Variants in GNPAT observed in about 807,000 individuals in gnomAD.
GNPAT encodes the protein glyceronephosphate O-acyltransferase.
GNPAT carries 30 observed loss-of-function variants against 78.4 expected under a neutral mutation model. The ratio of observed to expected loss-of-function variants is 0.38; its 90% CI spans 0.29 to 0.52. The LOEUF (loss-of-function observed/expected upper bound fraction) is 0.52. Ranked by LOEUF, GNPAT falls within the 20% of genes least tolerant of loss-of-function variation. The pLI, the probability that GNPAT is intolerant of heterozygous loss-of-function variation, is 0.84. For synonymous variants in GNPAT, 271 were observed against 281.1 expected (o/e 0.96, Z 0.36); for missense variants, 714 against 812.2 (o/e 0.88, Z 1.47).
At chr1:231,266,892 G>C (rs1685404903) in intron 8 of GNPAT, among the ~76,000 whole-genome samples, 1 of 152,206 alleles carries the variant, frequency 6.6e-6, no homozygotes, top group Admixed American at 6.5e-5. Context: ...ACACATTTGA[G>C]TTTTCTTAAT....
At chr1:231,274,922 A>G in intron 12 of GNPAT, 1 of 328,802 alleles carries the variant, frequency 3.0e-6, no homozygotes, top group Non-Finnish European at 5.7e-6. Context: ...TCTCTTCCCA[A>G]GTAGCATAAG....
At chr1:231,260,754 T>C in intron 3 of GNPAT, 71 bp downstream of exon 3, 3 of 1,062,730 alleles carry the variant, frequency 2.8e-6, no homozygotes, top group African/African-American at 1.6e-5. Flanking sequence ...AAAAAAACAG[T>C]CTCTTTTTCA....
chr1:231,250,534 T>C (rs1402621722), intron 1 of GNPAT, among the ~76,000 whole-genome samples: 4 of 152,196 alleles, frequency 2.6e-5, no homozygotes, highest in African/African-American at 9.7e-5. Flanking sequence ...TGCACCCATA[T>C]AGTTTTGTTT....
intron 1 of GNPAT, among the ~76,000 whole-genome samples, chr1:231,247,620 T>G (rs1684784839): frequency 6.6e-6 from 1 of 152,190 alleles, no homozygotes; most frequent in Non-Finnish European, 1.5e-5. Context: ...TCTCAATAAC[T>G]GGTACCACCA....
At chr1:231,268,905 C>CAAA (rs34988391) in intron 9 of GNPAT, among the ~76,000 whole-genome samples, 1 of 135,830 alleles carries the variant, frequency 7.4e-6, no homozygotes, top group Non-Finnish European at 1.6e-5. Context: ...GATTCCGTCT[C>CAAA]AAAAAAAAAA....
rs1347169259 is a variant in GNPAT, at chr1:231,277,469, T to G, written c.2000-30T>G. ...GAGGAAGGGCAAAATCAGCATCATTTCATGAGCTGCTTCTCTTTTTTCATC... is the reference window on the plus strand; with the variant it reads ...GAGGAAGGGCAAAATCAGCATCATTGCATGAGCTGCTTCTCTTTTTTCATC... On this transcript the variant is annotated intron_variant, in intron 15 of 15. Coordinates refer to ENST00000366647, the MANE Select transcript of GNPAT (RefSeq NM_014236.4). The G allele has an allele frequency of 4.0e-6, 6 of 1,483,166 alleles. No homozygotes were observed. The African/African-American group carries it at 8.3e-5, about 20-fold the overall frequency. 91.9% of individuals were successfully genotyped at this position (1,483,166 alleles called of 1,614,324 possible).
intron 1 of GNPAT, among the ~76,000 whole-genome samples, chr1:231,243,894 A>G (rs1387279151): frequency 6.6e-6 from 1 of 152,020 alleles, no homozygotes; most frequent in Non-Finnish European, 1.5e-5. Context: ...ACATATATAT[A>G]TAAATATATG....
chr1:231,275,034 T>C, intron 12 of GNPAT, 187 bp from the exon 13 acceptor site: 1 of 575,838 alleles, frequency 1.7e-6, no homozygotes, highest in Non-Finnish European at 3.1e-6. Flanking sequence ...TTGTAAAATG[T>C]AAACTCAAAG....
intron 2 of GNPAT, among the ~76,000 whole-genome samples, chr1:231,259,202 AAAAC>A (rs1215812206): frequency 2.0e-5 from 3 of 151,394 alleles, no homozygotes; most frequent in Non-Finnish European, 4.4e-5. Flanking sequence ...TAACCTGAGT[AAAAC>A]AAAGGAACAC....
At chr1:231,241,580 G>A (rs1440960280) in intron 1 of GNPAT, 124 bp downstream of exon 1, 8 of 757,066 alleles carry the variant, frequency 1.1e-5, no homozygotes, top group African/African-American at 1.0e-4. Context: ...CTCCCGAGGA[G>A]GGGTTAGTTG....
At chr1:231,261,594 A>G (rs1328777113) in intron 3 of GNPAT, among the ~76,000 whole-genome samples, 1 of 152,114 alleles carries the variant, frequency 6.6e-6, no homozygotes, top group Non-Finnish European at 1.5e-5. Flanking sequence ...TTCCCTTTAT[A>G]ATTAATGAAT....
intron 8 of GNPAT, among the ~76,000 whole-genome samples, chr1:231,266,828 T>C (rs897714610): frequency 3.3e-5 from 5 of 152,222 alleles, no homozygotes; most frequent in Non-Finnish European, 7.3e-5. Flanking sequence ...TAGAGAGTTA[T>C]AGTTTTATAG....
chr1:231,268,207 G>C (rs529845767), intron 9 of GNPAT, among the ~76,000 whole-genome samples: 1 of 152,206 alleles, frequency 6.6e-6, no homozygotes, highest in East Asian at 1.9e-4. Context: ...GGAGGCTGAG[G>C]CAGGAGAATG....
Position 231,267,709 on chromosome 1 carries a change from T to C in GNPAT, c.1085T>C (p.Met362Thr). Residue 362 changes from methionine to threonine, a missense_variant, in exon 9 of 16, where the codon ATG becomes ACG. By Grantham distance (81) the Met-to-Thr change is moderately conservative. Coordinates refer to ENST00000366647, the MANE Select transcript of GNPAT (RefSeq NM_014236.4). ...RYIPQKQSED[M>T]HAFVTEVAYK... ...ATTCCTCAGAAACAGTCTGAGGACA[T>C]GCATGCCTTTGTCACTGAAGTTGCC... 1 of 1,605,886 alleles carries C rather than the reference T, an allele frequency of 6.2e-7. No individual in the cohort carries two copies. Among genetic ancestry groups the C allele is most frequent in the South Asian group, 1.1e-5 (1 of 90,922 alleles).
In GNPAT at chr1:231,277,585, C is replaced by T. The variant is rs376338711; in HGVS notation, c.*43C>T. The T allele has an allele frequency of 8.8e-7, 1 of 1,137,184 alleles. No homozygotes were observed. Among genetic ancestry groups the T allele is most frequent in the Admixed American group, 1.7e-5 (1 of 59,448 alleles). The allele number at this position is 1,137,184 out of a possible 1,614,324, so 70.4% of individuals were successfully genotyped here. On this transcript the variant is annotated 3_prime_UTR_variant, in exon 16 of 16. Transcript: ENST00000366647. ...TGGAAAATTCGGTCACGTAATTACTCTCATCGAAGGACTCATTACAACAAA... is the reference window on the plus strand; with the variant it reads ...TGGAAAATTCGGTCACGTAATTACTTTCATCGAAGGACTCATTACAACAAA...
At chr1:231,271,043 G>T in intron 10 of GNPAT, 43 bp downstream of exon 10, 1 of 1,609,142 alleles carries the variant, frequency 6.2e-7, no homozygotes, top group Non-Finnish European at 8.5e-7. Context: ...AAGAGGTCTG[G>T]CCATTCCATT....
intron 1 of GNPAT, among the ~76,000 whole-genome samples, chr1:231,244,894 G>A (rs767724555): frequency 2.8e-4 from 43 of 152,186 alleles, no homozygotes; most frequent in Non-Finnish European, 5.9e-4. Flanking sequence ...AGTGAAAGAT[G>A]CAGATGCCTT....
chr1:231,254,801 G>A (rs981022399), intron 2 of GNPAT, among the ~76,000 whole-genome samples: 13 of 149,962 alleles, frequency 8.7e-5, no homozygotes, highest in African/African-American at 3.2e-4. Context: ...CTCCCAGACT[G>A]GAGTGCGGTG....
In GNPAT at chr1:231,270,920, A is replaced by G; in HGVS notation, c.1442A>G (p.Tyr481Cys). The G allele has an allele frequency of 6.2e-7, 1 of 1,614,068 alleles. No homozygotes were observed. The highest frequency in any genetic ancestry group is 1.1e-5 in the South Asian group (1 of 91,084). Residue 481 changes from tyrosine (Y) to cysteine (C), a missense_variant, in exon 10 of 16, where the codon TAT becomes TGT. By Grantham distance (194) the Tyr-to-Cys change is radical (BLOSUM62 -2). Transcript: ENST00000366647. ...QHITLLMCSA[Y>C]RNQLLNIFVR... ...ATCACTCTCCTCATGTGCTCAGCTT[A>G]TAGGAACCAGCTGCTCAACATTTTT...
Sources: gnomAD v4.1 joint callset for allele counts (sites outside exome capture counted in the v4.1 genomes callset) on GRCh38, gnomAD v4.1.1 for gene constraint, MANE v1.5 for transcripts, NCBI Gene and HGNC (gene_info 2026-07-23, HGNC 2026-07-21) for gene names.